CUEDC1: variants seen among roughly 807,000 people sequenced by gnomAD.
CUEDC1 encodes the protein CUE domain-containing protein 1.
In CUEDC1, 30 loss-of-function variants were observed where a neutral mutation model predicts 43.7. That is an observed-to-expected ratio of 0.69 (90% CI 0.51 to 0.93). The LOEUF (loss-of-function observed/expected upper bound fraction) is 0.93. CUEDC1 is among the 40% of genes least tolerant of loss of function. The pLI is 0.00. For synonymous variants in CUEDC1, 223 were observed against 223.6 expected (o/e 1.00, Z 0.02); for missense variants, 486 against 549.0 (o/e 0.89, Z 1.15).
intron 1 of CUEDC1, among the ~76,000 whole-genome samples, chr17:57,911,005 C>T (rs1415173948): frequency 6.6e-6 from 1 of 152,140 alleles, no homozygotes; most frequent in African/African-American, 2.4e-5. Flanking sequence ...CTCCCTATGC[C>T]ACCAACGGAA....
chr17:57,870,880 A>T (rs2074025712), intron 6 of CUEDC1, among the ~76,000 whole-genome samples: 2 of 152,114 alleles, frequency 1.3e-5, no homozygotes, highest in African/African-American at 4.8e-5. Flanking sequence ...GGGGGGTCTC[A>T]TTTTGTTGCC....
intron 1 of CUEDC1, among the ~76,000 whole-genome samples, chr17:57,895,536 C>T (rs927594997): frequency 2.0e-5 from 3 of 152,202 alleles, no homozygotes; most frequent in Non-Finnish European, 2.9e-5. Context: ...TGTCAAGTTG[C>T]CTGAGCAACC....
intron 1 of CUEDC1, among the ~76,000 whole-genome samples, chr17:57,898,289 T>C (rs1401082530): frequency 6.6e-6 from 1 of 151,644 alleles, no homozygotes; most frequent in Non-Finnish European, 1.5e-5. Flanking sequence ...AGAACCACAG[T>C]GTGGAGGGCC....
At chr17:57,899,322 G>A (rs561130564) in intron 1 of CUEDC1, among the ~76,000 whole-genome samples, 51 of 152,196 alleles carry the variant, frequency 3.4e-4, no homozygotes, top group African/African-American at 1.1e-3. Context: ...TAGCAGCAGC[G>A]ATCCCCTTGC....
chr17:57,912,200 GCA>G (rs1221331481), intron 1 of CUEDC1: 1 of 152,218 alleles, frequency 6.6e-6, no homozygotes, highest in Non-Finnish European at 1.5e-5. Flanking sequence ...CTGCCAACAA[GCA>G]CACACAGTTG....
At chr17:57,928,283 C>T (rs1014960016) in intron 1 of CUEDC1, among the ~76,000 whole-genome samples, 4 of 152,218 alleles carry the variant, frequency 2.6e-5, no homozygotes, top group African/African-American at 9.6e-5. Context: ...GGCGTGGTGG[C>T]TCACGCCTAT....
intron 2 of CUEDC1, among the ~76,000 whole-genome samples, chr17:57,882,105 G>GCCATTT (rs2074214516): frequency 6.6e-6 from 1 of 152,158 alleles, no homozygotes; most frequent in African/African-American, 2.4e-5. Flanking sequence ...CAGGGTCTAG[G>GCCATTT]CCATTTATCT....
chr17:57,909,359 G>A (rs902822311), intron 1 of CUEDC1, among the ~76,000 whole-genome samples: 1 of 152,164 alleles, frequency 6.6e-6, no homozygotes, highest in Non-Finnish European at 1.5e-5. Context: ...GTGTTCATCA[G>A]CCATTATGGT....
chr17:57,930,090 A>G lies in CUEDC1; in HGVS notation c.-316+25135T>C, dbSNP rs2074789485. The stretch of plus-strand genomic sequence containing the variant: ...AGTGCTGGGATTACAGGCGTGAGCC[A>G]CTGCGCCCGGCCACTTCTCAGACTT... On this transcript the variant is annotated intron_variant, in intron 1 of 10. Coordinates refer to ENST00000577830, the MANE Select transcript of CUEDC1 (RefSeq NM_001271875.2). This position sits in a 1 kb window ranked among gnomAD's most constrained non-coding sequence, Gnocchi z 4.2. Among the ~76,000 whole-genome samples, 1 of 152,324 alleles carries G rather than the reference A, an allele frequency of 6.6e-6. No homozygotes were observed. Among genetic ancestry groups the G allele is most frequent in the African/African-American group, 2.4e-5 (1 of 41,572 alleles).
chr17:57,936,950 AGCTGGAACTACAG>A (rs1007965476), intron 1 of CUEDC1, among the ~76,000 whole-genome samples: 2 of 151,750 alleles, frequency 1.3e-5, no homozygotes, highest in Non-Finnish European at 2.9e-5. Flanking sequence ...CCTCCCAAGT[AGCTGGAACTACAG>A]GCATACACCA....
chr17:57,929,917 TCA>T (rs2074787555), intron 1 of CUEDC1, among the ~76,000 whole-genome samples: 2 of 152,196 alleles, frequency 1.3e-5, no homozygotes, highest in African/African-American at 4.8e-5. Flanking sequence ...TTCTCCTGCC[TCA>T]GCCTCCCGAG....
At chr17:57,865,210 G>A (rs917887329) in intron 10 of CUEDC1, among the ~76,000 whole-genome samples, 11 of 152,174 alleles carry the variant, frequency 7.2e-5, no homozygotes, top group African/African-American at 2.4e-4. Context: ...GCGATTCCCC[G>A]GCAGGCTCTA....
chr17:57,922,497 G>A (rs1041927341), intron 1 of CUEDC1: 3 of 152,202 alleles, frequency 2.0e-5, no homozygotes, highest in Admixed American at 6.5e-5. Context: ...ACCGAGAAGA[G>A]AATCCTCAGC....
At chr17:57,868,320 GC>G in intron 7 of CUEDC1, 77 bp from the exon 8 acceptor site, 1 of 1,335,644 alleles carries the variant, frequency 7.5e-7, no homozygotes, top group Non-Finnish European at 1.1e-6. Flanking sequence ...TGTGGGAAAG[GC>G]CAGGGGAGGA....
chr17:57,952,725 C>T (rs2075019319), intron 1 of CUEDC1, among the ~76,000 whole-genome samples: 1 of 152,150 alleles, frequency 6.6e-6, no homozygotes, highest in African/African-American at 2.4e-5. Flanking sequence ...AGGAAGAATA[C>T]CAGTGTGAGT....
chr17:57,938,062 TC>T (rs1264158959), intron 1 of CUEDC1, among the ~76,000 whole-genome samples: 1 of 152,156 alleles, frequency 6.6e-6, no homozygotes, highest in Non-Finnish European at 1.5e-5. Flanking sequence ...AGCTGCCTAA[TC>T]CCAGTCTTCA....
chr17:57,927,456 T>C (rs1598014750), intron 1 of CUEDC1, among the ~76,000 whole-genome samples: 1 of 151,444 alleles, frequency 6.6e-6, no homozygotes, highest in Admixed American at 6.6e-5. Context: ...CCAGTGTTCA[T>C]TGAGGCTTCC....
chr17:57,896,529 T>C (rs1414103862), intron 1 of CUEDC1, among the ~76,000 whole-genome samples: 1 of 147,202 alleles, frequency 6.8e-6, no homozygotes, highest in Non-Finnish European at 1.5e-5. Context: ...TGTGTGTGTA[T>C]GAAATCCGAA....
chr17:57,881,621 A>G (rs1244311436), intron 2 of CUEDC1, among the ~76,000 whole-genome samples: 3 of 152,194 alleles, frequency 2.0e-5, no homozygotes. Flanking sequence ...GGCCTGGGCT[A>G]TTCCCACTGA....
Sources: allele counts gnomAD v4.1 joint callset (sites outside exome capture counted in the v4.1 genomes callset), GRCh38; gene constraint gnomAD v4.1.1; non-coding constraint Gnocchi (gnomAD v3.1); transcripts MANE v1.5; gene names NCBI Gene and HGNC (gene_info 2026-07-23, HGNC 2026-07-21).